SLC29A3: variants seen among roughly 807,000 people sequenced by gnomAD.
The protein encoded by SLC29A3 is equilibrative nucleoside transporter 3.
In SLC29A3, 18 loss-of-function variants were observed where a neutral mutation model predicts 25.4. The observed-to-expected ratio is 0.71, with a 90% confidence interval of 0.49 to 1.05. The LOEUF (loss-of-function observed/expected upper bound fraction) is 1.05. SLC29A3 is among the 50% of genes least tolerant of loss of function. The probability of loss-of-function intolerance (pLI) is 0.00; values close to 1 mark genes in which losing one functional copy is unlikely to be tolerated. For missense variants in SLC29A3, 586 were observed against 609.0 expected (o/e 0.96, Z 0.40); for synonymous variants, 258 against 267.1 (o/e 0.97, Z 0.33).
At chr10:71,356,608 T>A (rs1846919792) in intron 5 of SLC29A3, among the ~76,000 whole-genome samples, 1 of 151,724 alleles carries the variant, frequency 6.6e-6, no homozygotes. Flanking sequence ...AGTGGATCGC[T>A]TGAGCCCAGG....
At chr10:71,351,513 A>G in intron 3 of SLC29A3, 49 bp from the exon 4 acceptor site, 1 of 1,577,710 alleles carries the variant, frequency 6.3e-7, no homozygotes. Context: ...CCCAGCCCAC[A>G]CAGGAGCCCC....
At chr10:71,364,022 C>G (rs1847142017), downstream of SLC29A3, among the ~76,000 whole-genome samples, 1 of 151,890 alleles carries the variant, frequency 6.6e-6, no homozygotes. Flanking sequence ...TAGGGAGTGA[C>G]TTTGTCTGGG....
intron 2 of SLC29A3, among the ~76,000 whole-genome samples, chr10:71,332,428 G>A (rs1325294485): frequency 6.6e-6 from 1 of 152,148 alleles, no homozygotes; most frequent in Non-Finnish European, 1.5e-5. Flanking sequence ...GGGATTACAG[G>A]CGTGAACCAC....
At chr10:71,344,083 C>A (rs755623348) in intron 2 of SLC29A3, 126 bp from the exon 3 acceptor site, 3 of 805,178 alleles carry the variant, frequency 3.7e-6, no homozygotes, top group Non-Finnish European at 6.5e-6. Context: ...GGCTCACCCA[C>A]GGCTCCTGGG....
In SLC29A3 at chr10:71,362,535, T is replaced by A. The variant is rs999940; in HGVS notation, c.1355T>A (p.Val452Glu). The change falls in exon 6 of 6, where the codon GTG becomes GAG. Residue 452 changes from valine to glutamate, a missense_variant. Coordinates refer to ENST00000373189, the MANE Select transcript of SLC29A3 (RefSeq NM_018344.6). ...GAGCTGGCTGAGGCCACGGGAGTGG[T>A]GATGTCCTTTTATGTGTGCTTGGGC... The part of the protein sequence containing the change: ...PRELAEATGV[V>E]MSFYVCLGLT... The A allele has an allele frequency of 6.2e-7, 1 of 1,613,974 alleles. No homozygotes were observed. The highest frequency in any genetic ancestry group is 1.7e-5 in the Admixed American group (1 of 60,006).
chr10:71,347,800 C>T (rs551388355), intron 3 of SLC29A3, among the ~76,000 whole-genome samples: 1 of 152,332 alleles, frequency 6.6e-6, no homozygotes, highest in South Asian at 2.1e-4. Context: ...TATTGACCTC[C>T]TCCTCTCTGA....
chr10:71,359,485 T>G (rs1405524134), intron 5 of SLC29A3, among the ~76,000 whole-genome samples: 3 of 152,198 alleles, frequency 2.0e-5, no homozygotes, highest in African/African-American at 7.2e-5. Context: ...CGACGCTGAA[T>G]AGAGGGGAAG....
chr10:71,361,866 A>C, intron 5 of SLC29A3, 88 bp from the exon 6 acceptor site: 1 of 1,504,296 alleles, frequency 6.6e-7, no homozygotes, highest in East Asian at 2.3e-5. Context: ...GCTGGGCTGG[A>C]AGGTTCTGTT....
intron 4 of SLC29A3, among the ~76,000 whole-genome samples, chr10:71,377,569 C>G (rs1222379859): frequency 2.0e-5 from 3 of 152,156 alleles, no homozygotes; most frequent in African/African-American, 7.2e-5. Flanking sequence ...TACCCGGCAA[C>G]GAGGTGGACG....
At chr10:71,360,237 G>A (rs766789303) in intron 5 of SLC29A3, among the ~76,000 whole-genome samples, 4 of 140,896 alleles carry the variant, frequency 2.8e-5, no homozygotes, top group Non-Finnish European at 4.5e-5. Flanking sequence ...TCCATCTCCC[G>A]AGTTTAGGTG....
At chr10:71,342,393 C>T (rs1846433031) in intron 2 of SLC29A3, among the ~76,000 whole-genome samples, 1 of 152,184 alleles carries the variant, frequency 6.6e-6, no homozygotes, top group Non-Finnish European at 1.5e-5. Flanking sequence ...GCCCAGACAA[C>T]AGAAAGAGAC....
chr10:71,361,850 C>T (rs1402016928), intron 5 of SLC29A3, 104 bp from the exon 6 acceptor site: 2 of 1,391,058 alleles, frequency 1.4e-6, no homozygotes, highest in East Asian at 2.3e-5. Flanking sequence ...GGCTTGGGCT[C>T]TCCATGCTGG....
At chr10:71,363,517 G>A, downstream of SLC29A3, 1 of 365,738 alleles carries the variant, frequency 2.7e-6, no homozygotes. Flanking sequence ...AGGCTGGAGT[G>A]CAGTGGCTCG....
chr10:71,377,922 A>G (rs1198826593), intron 4 of SLC29A3, among the ~76,000 whole-genome samples: 1 of 151,914 alleles, frequency 6.6e-6, no homozygotes, highest in Non-Finnish European at 1.5e-5. Context: ...ACCTCAAACT[A>G]GGGAGTGTCA....
intron 2 of SLC29A3, among the ~76,000 whole-genome samples, chr10:71,339,302 G>A (rs1846333274): frequency 6.6e-6 from 1 of 152,216 alleles, no homozygotes; most frequent in South Asian, 2.1e-4. Context: ...CCCCACCTGG[G>A]TTAACTGACT....
At chr10:71,353,519 G>A (rs1274181905) in intron 4 of SLC29A3, among the ~76,000 whole-genome samples, 3 of 152,174 alleles carry the variant, frequency 2.0e-5, no homozygotes, top group Admixed American at 6.5e-5. Flanking sequence ...TGATCTTCTA[G>A]GGATGGGGAG....
intron 2 of SLC29A3, among the ~76,000 whole-genome samples, chr10:71,336,466 G>A (rs1046685304): frequency 6.6e-6 from 1 of 152,028 alleles, no homozygotes; most frequent in African/African-American, 2.4e-5. Context: ...CCCCAGGGCA[G>A]CCGGGAGGGA....
chr10:71,328,081 G>T (rs549434475), intron 2 of SLC29A3, among the ~76,000 whole-genome samples: 284 of 152,238 alleles, frequency 1.9e-3, no homozygotes, highest in African/African-American at 6.7e-3. Context: ...CCCCACAGCC[G>T]CTCTCTACAC....
At position 71,351,604 on chromosome 10, in the gene SLC29A3, C is replaced by T. The variant is rs1202220029; in HGVS notation, c.426C>T (p.Ile142=). 1 of 1,614,246 alleles carries T rather than the reference C, an allele frequency of 6.2e-7. No homozygotes were observed. Among genetic ancestry groups the T allele is most frequent in the East Asian group, 2.2e-5 (1 of 44,882 alleles). The change falls in exon 4 of 6, where the codon ATC becomes ATT. Residue 142 remains isoleucine, a synonymous_variant. Coordinates refer to ENST00000373189, the MANE Select transcript of SLC29A3 (RefSeq NM_018344.6). ...HIRVLASLTV[I]LAIFMVITAL... is the part of the protein sequence containing the mutation. ...GTGTCCTGGCCTCACTGACGGTCAT[C>T]CTGGCCATCTTCATGGTGATAACTG... is the stretch of plus-strand genomic sequence containing the variant.
Sources: allele counts gnomAD v4.1 joint callset (sites outside exome capture counted in the v4.1 genomes callset), GRCh38; gene constraint gnomAD v4.1.1; transcripts MANE v1.5; gene names NCBI Gene and HGNC (gene_info 2026-07-23, HGNC 2026-07-21).